The following STXBP5 variants were observed in gnomAD, a reference collection of about 807,000 sequenced individuals.
The protein encoded by STXBP5 is syntaxin binding protein 5.
STXBP5 carries 50 observed loss-of-function variants against 152.4 expected under a neutral mutation model. That is an observed-to-expected ratio of 0.33 (90% CI 0.26 to 0.42). The LOEUF is 0.42. Ranked by LOEUF, STXBP5 falls within the 10% of genes least tolerant of loss-of-function variation. The pLI is 1.00. For synonymous variants in STXBP5, 492 were observed against 494.7 expected (o/e 0.99, Z 0.07); for missense variants, 1,167 against 1,388.6 (o/e 0.84, Z 2.54).
intron 2 of STXBP5, among the ~76,000 whole-genome samples, chr6:147,209,220 T>G (rs1270493881): frequency 6.6e-6 from 1 of 152,126 alleles, no homozygotes; most frequent in Non-Finnish European, 1.5e-5. Flanking sequence ...GTGTAAAAAT[T>G]TGAGGTTTAA....
chr6:147,355,858 T>C (rs1376999535), intron 22 of STXBP5, among the ~76,000 whole-genome samples: 2 of 152,176 alleles, frequency 1.3e-5, no homozygotes, highest in African/African-American at 2.4e-5. Context: ...TTTTATTCCA[T>C]TTATTTACTT....
At chr6:147,344,164 T>C (rs569575880) in intron 21 of STXBP5, among the ~76,000 whole-genome samples, 1 of 152,334 alleles carries the variant, frequency 6.6e-6, no homozygotes, top group African/African-American at 2.4e-5. Flanking sequence ...TTTTTGAATG[T>C]ATTTTCTGTC....
At chr6:147,226,538 T>C (rs1777723853) in intron 2 of STXBP5, among the ~76,000 whole-genome samples, 1 of 152,058 alleles carries the variant, frequency 6.6e-6, no homozygotes, top group African/African-American at 2.4e-5. Context: ...TGGTCCCAAC[T>C]GAAGGAAAAG....
intron 7 of STXBP5, among the ~76,000 whole-genome samples, chr6:147,267,675 TTTTTTTG>T (rs777482231): frequency 3.0e-4 from 46 of 152,142 alleles, no homozygotes; most frequent in Non-Finnish European, 4.9e-4. Flanking sequence ...CTTTAACATG[TTTTTTTG>T]TTTTTTGTTT....
chr6:147,367,448 C>T (rs1030309862), intron 25 of STXBP5, among the ~76,000 whole-genome samples: 77 of 152,136 alleles, frequency 5.1e-4, no homozygotes, highest in Non-Finnish European at 7.9e-4. Context: ...ACCATCCTGG[C>T]TAACACAGTG....
intron 26 of STXBP5, among the ~76,000 whole-genome samples, chr6:147,379,433 G>A (rs1785970087): frequency 6.6e-6 from 1 of 152,088 alleles, no homozygotes; most frequent in Non-Finnish European, 1.5e-5. Context: ...CAAACAAATT[G>A]ATGAGTATAA....
At chr6:147,278,778 G>C (rs1332027186) in intron 8 of STXBP5, among the ~76,000 whole-genome samples, 1 of 152,172 alleles carries the variant, frequency 6.6e-6, no homozygotes, top group Non-Finnish European at 1.5e-5. Context: ...ATGAAGTTTA[G>C]AGGAAACCAG....
intron 25 of STXBP5, 73 bp downstream of exon 25, chr6:147,364,239 C>A: frequency 7.4e-7 from 1 of 1,352,604 alleles, no homozygotes; most frequent in South Asian, 1.4e-5. Flanking sequence ...ACTGTCTGCC[C>A]CTTATTCTCA....
At chr6:147,241,574 C>T (rs1049402996) in intron 4 of STXBP5, among the ~76,000 whole-genome samples, 6 of 151,922 alleles carry the variant, frequency 3.9e-5, no homozygotes, top group Non-Finnish European at 8.8e-5. Flanking sequence ...TGATGGTGGT[C>T]CCAAAAGATT....
intron 11 of STXBP5, among the ~76,000 whole-genome samples, chr6:147,311,976 T>C (rs1782403584): frequency 6.6e-6 from 1 of 152,298 alleles, no homozygotes; most frequent in Non-Finnish European, 1.5e-5. Flanking sequence ...GTATTGTTTT[T>C]TGATTTAAAA....
At position 147,235,322 on chromosome 6, in the gene STXBP5, G is replaced by A. The variant is rs775642055; in HGVS notation, c.321G>A (p.Leu107=). Reference sequence around the variant, plus strand: ...CTGCAGTAATCCAGCTCCAGTTCCTGATTAATGAGGTTAGTGAATTGTTTT... The same window carrying A: ...CTGCAGTAATCCAGCTCCAGTTCCTAATTAATGAGGTTAGTGAATTGTTTT... ...SGAAVIQLQF[L]INEGALVSAL... is the part of the protein sequence containing the mutation. Residue 107 remains leucine, a synonymous_variant, in exon 3 of 28, where the codon CTG becomes CTA. Transcript: ENST00000321680. The A allele has an allele frequency of 3.7e-5, 60 of 1,612,018 alleles. No homozygotes were observed. The highest frequency in any genetic ancestry group is 5.1e-5 in the Non-Finnish European group (60 of 1,178,844).
chr6:147,221,016 C>G (rs1777430923), intron 2 of STXBP5, among the ~76,000 whole-genome samples: 1 of 151,968 alleles, frequency 6.6e-6, no homozygotes, highest in Non-Finnish European at 1.5e-5. Flanking sequence ...ATTTTCTCTC[C>G]TTTCTTAGCA....
chr6:147,324,267 T>G (rs1351857283), intron 16 of STXBP5, among the ~76,000 whole-genome samples: 3 of 116,540 alleles, frequency 2.6e-5, no homozygotes, highest in South Asian at 3.1e-4. Flanking sequence ...TTTTTTGGTT[T>G]TTTTTTTTTT....
At chr6:147,293,862 A>G (rs1054080534) in intron 9 of STXBP5, among the ~76,000 whole-genome samples, 1 of 152,076 alleles carries the variant, frequency 6.6e-6, no homozygotes, top group Non-Finnish European at 1.5e-5. Context: ...ACCTCAGTGA[A>G]AGCATGGTGG....
chr6:147,205,898 G>T, intron 1 of STXBP5, 73 bp from the exon 2 acceptor site: 1 of 1,111,938 alleles, frequency 9.0e-7, no homozygotes, highest in Non-Finnish European at 1.4e-6. Flanking sequence ...AAATTCTAAC[G>T]CCTCTATTGA....
In STXBP5 at chr6:147,353,287, T is replaced by C. The variant is rs774398458; in HGVS notation, c.2255-36T>C. ...AGTTGATATTAGTATGAATCAAATA[T>C]TCTTCAGAATTTTAAAAATGTCTTT... is the stretch of plus-strand genomic sequence containing the variant. On this transcript the variant is annotated intron_variant, in intron 21 of 27. Coordinates refer to ENST00000321680, the MANE Select transcript of STXBP5 (RefSeq NM_001127715.4). 3 of 1,411,352 alleles carry C rather than the reference T, an allele frequency of 2.1e-6. No individual in the cohort carries two copies. In the South Asian group the frequency reaches 4.0e-5, roughly 19 times the overall value. The allele number at this position is 1,411,352 out of a possible 1,614,324, so 87.4% of individuals were successfully genotyped here. A position where few individuals can be genotyped will look rare whatever the true frequency, so the allele number is the denominator to read the frequency against.
chr6:147,350,215 C>T (rs1363245699), intron 21 of STXBP5, among the ~76,000 whole-genome samples: 1 of 151,862 alleles, frequency 6.6e-6, no homozygotes, highest in Non-Finnish European at 1.5e-5. Flanking sequence ...GTATTTTTTA[C>T]ATAATAAATT....
At chr6:147,286,681 T>G (rs1780978486) in intron 8 of STXBP5, among the ~76,000 whole-genome samples, 1 of 152,142 alleles carries the variant, frequency 6.6e-6, no homozygotes, top group Non-Finnish European at 1.5e-5. Context: ...TATGTGATTT[T>G]GGTGTGGGGA....
At chr6:147,265,964 C>T (rs1210315475) in intron 6 of STXBP5, among the ~76,000 whole-genome samples, 8 of 151,334 alleles carry the variant, frequency 5.3e-5, no homozygotes, top group Admixed American at 1.3e-4. Flanking sequence ...TATTGACTTA[C>T]ATTTGGTAGG....
Sources: gnomAD v4.1 joint callset for allele counts (sites outside exome capture counted in the v4.1 genomes callset) on GRCh38, gnomAD v4.1.1 for gene constraint, MANE v1.5 for transcripts, NCBI Gene and HGNC (gene_info 2026-07-23, HGNC 2026-07-21) for gene names.